The following CCDC63 variants were observed in gnomAD, a reference collection of about 807,000 sequenced individuals.
CCDC63 encodes the protein coiled-coil domain-containing protein 63.
In CCDC63, 54 loss-of-function variants were observed where a neutral mutation model predicts 63.6. The ratio of observed to expected loss-of-function variants is 0.85; its 90% CI spans 0.68 to 1.07. The LOEUF is 1.07. Among genes scored for constraint, CCDC63 ranks in the 50% least tolerant of loss-of-function variants. The probability of loss-of-function intolerance (pLI) is 0.00; values close to 1 mark genes in which losing one functional copy is unlikely to be tolerated. For missense variants in CCDC63, 637 were observed against 689.6 expected (o/e 0.92, Z 0.86); for synonymous variants, 253 against 266.1 (o/e 0.95, Z 0.48).
intron 10 of CCDC63, among the ~76,000 whole-genome samples, chr12:110,902,010 T>A (rs1055868050): frequency 1.3e-4 from 20 of 152,122 alleles, no homozygotes; most frequent in African/African-American, 4.8e-4. Flanking sequence ...TTTGTATGTT[T>A]AATAGAGATG....
intron 3 of CCDC63, among the ~76,000 whole-genome samples, chr12:110,854,624 GGT>G (rs2070749190): frequency 6.6e-6 from 1 of 151,874 alleles, no homozygotes; most frequent in South Asian, 2.1e-4. Context: ...GCAACAGAAA[GGT>G]GTTCCCTGGG....
chr12:110,851,801 T>C (rs531047402), intron 1 of CCDC63, among the ~76,000 whole-genome samples: 3 of 152,328 alleles, frequency 2.0e-5, no homozygotes, highest in African/African-American at 7.2e-5. Flanking sequence ...CCAAGCACAG[T>C]GCTGAGTGTC....
At chr12:110,873,050 A>G (rs751792550) in intron 4 of CCDC63, among the ~76,000 whole-genome samples, 5 of 152,198 alleles carry the variant, frequency 3.3e-5, no homozygotes, top group Non-Finnish European at 7.3e-5. Context: ...GCTGGCCAAC[A>G]TGGCGAAACC....
chr12:110,855,198 C>T (rs781645489), intron 3 of CCDC63, among the ~76,000 whole-genome samples: 4 of 152,146 alleles, frequency 2.6e-5, no homozygotes, highest in Non-Finnish European at 4.4e-5. Flanking sequence ...TTTCTCAAGA[C>T]GCTTTACTGT....
At chr12:110,885,172 G>A (rs1209083493) in intron 8 of CCDC63, among the ~76,000 whole-genome samples, 1 of 148,546 alleles carries the variant, frequency 6.7e-6, no homozygotes. Context: ...TTAAAGGATT[G>A]TAAGAAGAAA....
At chr12:110,849,254 C>T (rs971304761) in intron 1 of CCDC63, among the ~76,000 whole-genome samples, 7 of 152,226 alleles carry the variant, frequency 4.6e-5, no homozygotes, top group African/African-American at 1.2e-4. Flanking sequence ...CCTTAAACAA[C>T]AGTGACTCTT....
At chr12:110,854,475 A>T (rs2070746305) in intron 3 of CCDC63, among the ~76,000 whole-genome samples, 1 of 151,338 alleles carries the variant, frequency 6.6e-6, no homozygotes, top group South Asian at 2.1e-4. Context: ...TTGTATTTTT[A>T]GTAGAGGCAA....
intron 3 of CCDC63, among the ~76,000 whole-genome samples, chr12:110,857,726 G>T (rs541035715): frequency 1.3e-5 from 2 of 152,070 alleles, no homozygotes; most frequent in Non-Finnish European, 2.9e-5. Flanking sequence ...CCCACATCCC[G>T]GTAGACATTT....
intron 10 of CCDC63, among the ~76,000 whole-genome samples, chr12:110,902,842 C>G (rs1210951569): frequency 6.6e-6 from 1 of 151,664 alleles, no homozygotes; most frequent in East Asian, 1.9e-4. Flanking sequence ...CTCAGCTTCC[C>G]GAGTAGCTGG....
upstream of CCDC63, among the ~76,000 whole-genome samples, chr12:110,846,378 G>C (rs1267242567): frequency 6.6e-6 from 1 of 152,120 alleles, no homozygotes; most frequent in Non-Finnish European, 1.5e-5. Flanking sequence ...ACTAAACTCC[G>C]TTAGGGCAGT....
chr12:110,884,190 G>C lies in CCDC63; in HGVS notation c.1014G>C (p.Thr338=), dbSNP rs1316242643. 6.2e-7 allele frequency: 1 copy of C among 1,614,134 alleles called. No individual in the cohort carries two copies. The highest frequency in any genetic ancestry group is 8.5e-7 in the Non-Finnish European group (1 of 1,180,026). The change falls in exon 8 of 12, where the codon ACG becomes ACC. Residue 338 remains threonine (T), a synonymous_variant. Coordinates refer to ENST00000308208, the MANE Select transcript of CCDC63 (RefSeq NM_152591.3). The part of the protein sequence containing the change: ...AKEEKNFARF[T]YVTELNNDME... ...AGGAGAAGAATTTTGCTCGGTTCAC[G>C]TATGTCACGGAGCTCAACAACGACA...
intron 7 of CCDC63, 147 bp from the exon 8 acceptor site, chr12:110,883,883 G>A (rs2071241610): frequency 4.4e-6 from 3 of 682,060 alleles, no homozygotes; most frequent in Non-Finnish European, 7.8e-6. Context: ...CAGGTGATCT[G>A]CCTGCCTCGG....
At chr12:110,865,464 C>CAAAAAAAAAAAAAAAAAAAAAAAAAA (rs10585238) in intron 4 of CCDC63, among the ~76,000 whole-genome samples, 3 of 102,370 alleles carry the variant, frequency 2.9e-5, no homozygotes, top group African/African-American at 6.9e-5. Flanking sequence ...CAGCATATAC[C>CAAAAAAAAAAAAAAAAAAAAAAAAAA]AAAAAAAAAA....
At position 110,881,058 on chromosome 12, in the gene CCDC63, A is replaced by G; in HGVS notation, c.672-57A>G. The G allele has an allele frequency of 2.7e-6, 4 of 1,481,288 alleles. No individual in the cohort carries two copies. In the South Asian group the frequency reaches 5.6e-5, roughly 21 times the overall value. The allele number at this position is 1,481,288 out of a possible 1,614,324, so 91.8% of individuals were successfully genotyped here. A position where few individuals can be genotyped will look rare whatever the true frequency, so the allele number is the denominator to read the frequency against. On this transcript the variant is annotated intron_variant, in intron 6 of 11. Coordinates refer to ENST00000308208, the MANE Select transcript of CCDC63 (RefSeq NM_152591.3). ...GGAAGGCCTTCTGGACTGGCAGGGA[A>G]AGGGAAGTAGAGAGGAGGAGCCTCA... is the stretch of plus-strand genomic sequence containing the variant.
intron 8 of CCDC63, among the ~76,000 whole-genome samples, chr12:110,890,248 G>A (rs983754012): frequency 6.6e-6 from 1 of 151,778 alleles, no homozygotes; most frequent in South Asian, 2.1e-4. Context: ...AGGCTGTAGT[G>A]AGCCAAGATC....
chr12:110,878,149 C>T (rs186884580), intron 5 of CCDC63, among the ~76,000 whole-genome samples: 395 of 152,126 alleles, frequency 2.6e-3, no homozygotes, highest in Non-Finnish European at 4.3e-3. Context: ...TTTTAAGGCT[C>T]AGTAATATTT....
chr12:110,890,334 T>C (rs2071340591), intron 8 of CCDC63, among the ~76,000 whole-genome samples: 1 of 151,622 alleles, frequency 6.6e-6, no homozygotes, highest in African/African-American at 2.4e-5. Context: ...TTAAAGGAGA[T>C]GAGCCTTCCA....
At chr12:110,904,911 T>G in intron 11 of CCDC63, 120 bp downstream of exon 11, 1 of 734,522 alleles carries the variant, frequency 1.4e-6, no homozygotes, top group Non-Finnish European at 2.1e-6. Flanking sequence ...TTCCTCTCTT[T>G]ATGAGCTCTT....
intron 4 of CCDC63, among the ~76,000 whole-genome samples, chr12:110,865,479 A>AG (rs1366294284): frequency 2.7e-5 from 4 of 150,738 alleles, no homozygotes; most frequent in Non-Finnish European, 4.4e-5. Flanking sequence ...AAAAAAAAAA[A>AG]AAAGAAAAAA....
Sources: allele counts gnomAD v4.1 joint callset (sites outside exome capture counted in the v4.1 genomes callset), GRCh38; gene constraint gnomAD v4.1.1; transcripts MANE v1.5; gene names NCBI Gene and HGNC (gene_info 2026-07-23, HGNC 2026-07-21).